Variants in TEN1 observed in about 807,000 individuals in gnomAD.
TEN1 encodes the protein TEN1 subunit of CST complex.
Under a neutral mutation model 9.3 loss-of-function variants are expected in TEN1, and 6 were observed. The observed-to-expected ratio is 0.65, with a 90% CI of 0.35 to 1.27. The LOEUF (loss-of-function observed/expected upper bound fraction) is 1.27. TEN1 is among the 50% of genes most tolerant of loss of function. The probability of loss-of-function intolerance (pLI) is 0.03; values close to 1 mark genes in which losing one functional copy is unlikely to be tolerated. For synonymous variants in TEN1, 65 were observed against 65.6 expected, an observed-to-expected ratio of 0.99 and a Z score of 0.04; for missense variants, 149 against 158.2, an observed-to-expected ratio of 0.94 and a Z score of 0.31.
chr17:75,979,786 AC>A (rs1388480725), intron 1 of TEN1, among the ~76,000 whole-genome samples: 1 of 151,676 alleles, frequency 6.6e-6, no homozygotes, highest in Non-Finnish European at 1.5e-5. Flanking sequence ...GGCTCCAGTT[AC>A]CTTTTGTTAA....
chr17:75,998,631 A>C (rs571616424), intron 3 of TEN1, among the ~76,000 whole-genome samples: 2 of 152,356 alleles, frequency 1.3e-5, no homozygotes, highest in East Asian at 3.9e-4. Context: ...AAGGGCAGGC[A>C]GAGCCTTTAT....
chr17:75,981,599 T>TTTG (rs980952925), intron 1 of TEN1, among the ~76,000 whole-genome samples: 3 of 149,530 alleles, frequency 2.0e-5, no homozygotes, highest in Admixed American at 6.7e-5. Context: ...GCAAGTTGTT[T>TTTG]TTTTTTTTTT....
chr17:75,989,910 T>TA (rs556439277), intron 2 of TEN1, among the ~76,000 whole-genome samples: 5,889 of 139,836 alleles, frequency 0.042, 176 homozygotes, highest in East Asian at 0.16. Flanking sequence ...CCTGGCTAAT[T>TA]AAAAAAAAAA....
At chr17:75,998,368 G>T (rs1318123483) in intron 3 of TEN1, among the ~76,000 whole-genome samples, 1 of 151,812 alleles carries the variant, frequency 6.6e-6, no homozygotes, top group African/African-American at 2.4e-5. Context: ...CTGGTCTTGA[G>T]CTCCTGGCCT....
chr17:75,989,069 C>G (rs1475207402), intron 2 of TEN1, among the ~76,000 whole-genome samples: 3 of 151,864 alleles, frequency 2.0e-5, no homozygotes, highest in Non-Finnish European at 2.9e-5. Flanking sequence ...CCACGCCCGG[C>G]CTACTTAGCC....
chr17:75,988,235 G>A (rs1208434732), intron 2 of TEN1, among the ~76,000 whole-genome samples: 4 of 146,894 alleles, frequency 2.7e-5, no homozygotes, highest in Admixed American at 2.1e-4. Context: ...AGTGAAATTC[G>A]GCCTCAAAAA....
chr17:75,985,852 A>G (rs1297234377), intron 1 of TEN1, among the ~76,000 whole-genome samples: 1 of 147,404 alleles, frequency 6.8e-6, no homozygotes, highest in Non-Finnish European at 1.5e-5. Context: ...TTTTTAATAC[A>G]TGAATGTATA....
Position 76,000,441 on chromosome 17 carries a change from C to A in TEN1, c.*179C>A. On this transcript the variant is annotated 3_prime_UTR_variant, in exon 4 of 4. Coordinates refer to ENST00000397640, the MANE Select transcript of TEN1 (RefSeq NM_001113324.3). This position sits in a 1 kb window ranked among gnomAD's most constrained non-coding sequence, Gnocchi z 5.9. ...TTTGGGATTGGCTCAGCAATGAGAA[C>A]CCAGAAAGCATGCCATAAATCCGAC... The A allele has an allele frequency of 1.1e-6, 1 of 952,340 alleles. No individual in the cohort carries two copies. Among genetic ancestry groups the A allele is most frequent in the Non-Finnish European group, 1.5e-6 (1 of 667,820 alleles). The allele number at this position is 952,340 out of a possible 1,614,324, so 59.0% of individuals were successfully genotyped here.
intron 3 of TEN1, among the ~76,000 whole-genome samples, chr17:75,998,001 G>A (rs1031961632): frequency 4.0e-5 from 6 of 151,392 alleles, no homozygotes; most frequent in Non-Finnish European, 7.4e-5. Flanking sequence ...ACAGGTGCCC[G>A]CCACCACACC....
At chr17:75,994,074 G>A (rs1261357643) in intron 3 of TEN1, among the ~76,000 whole-genome samples, 4 of 152,060 alleles carry the variant, frequency 2.6e-5, no homozygotes, top group Non-Finnish European at 4.4e-5. Context: ...GCCTGTTACC[G>A]GGCACTGGCT....
intron 2 of TEN1, among the ~76,000 whole-genome samples, chr17:75,988,050 G>A (rs2066162769): frequency 6.6e-6 from 1 of 151,222 alleles, no homozygotes; most frequent in Non-Finnish European, 1.5e-5. Flanking sequence ...AACCAGCCTG[G>A]CCAACATGGT....
At chr17:75,990,954 A>G (rs1054669378) in intron 2 of TEN1, among the ~76,000 whole-genome samples, 15 of 151,888 alleles carry the variant, frequency 9.9e-5, no homozygotes, top group African/African-American at 2.9e-4. Context: ...GTTGGAGACC[A>G]GCCTGGACAA....
intron 1 of TEN1, among the ~76,000 whole-genome samples, chr17:75,985,510 G>A (rs1406557671): frequency 1.3e-5 from 2 of 152,004 alleles, no homozygotes; most frequent in African/African-American, 4.8e-5. Context: ...GTCTGTGTTT[G>A]TTTTTTGTTT....
intron 3 of TEN1, among the ~76,000 whole-genome samples, chr17:75,997,153 G>T (rs150488767): frequency 6.6e-6 from 1 of 152,008 alleles, no homozygotes; most frequent in Non-Finnish European, 1.5e-5. Context: ...TCTCTTCCCC[G>T]TTGGGCCTCA....
At chr17:75,994,365 C>T (rs375913011) in intron 3 of TEN1, among the ~76,000 whole-genome samples, 14 of 144,716 alleles carry the variant, frequency 9.7e-5, no homozygotes, top group African/African-American at 3.3e-4. Context: ...ACCCGGGAGG[C>T]GGAGGTTGCT....
At chr17:75,986,990 C>A (rs2066156416) in intron 2 of TEN1, among the ~76,000 whole-genome samples, 1 of 152,040 alleles carries the variant, frequency 6.6e-6, no homozygotes, top group East Asian at 1.9e-4. Context: ...CCCATACACA[C>A]AATTTTAGTT....
intron 1 of TEN1, among the ~76,000 whole-genome samples, chr17:75,985,912 T>C (rs371754959): frequency 2.6e-5 from 4 of 151,938 alleles, no homozygotes; most frequent in Non-Finnish European, 5.9e-5. Flanking sequence ...TATTATACTT[T>C]AAGTTCTAGG....
chr17:75,981,036 TAATGTAACAATGATAAGGGGTGTAC>T (rs1484142914), intron 1 of TEN1, among the ~76,000 whole-genome samples: 7 of 152,312 alleles, frequency 4.6e-5, no homozygotes, highest in African/African-American at 1.7e-4. Flanking sequence ...CAATTGCTCT[TAATGTAACAATGATAAGGGGTGTAC>T]TTAGCATTGA....
intron 1 of TEN1, among the ~76,000 whole-genome samples, chr17:75,982,481 G>A (rs2066127609): frequency 6.6e-6 from 1 of 152,164 alleles, no homozygotes; most frequent in Non-Finnish European, 1.5e-5. Flanking sequence ...AGATTTGTCT[G>A]ATATTTCTTC....
Sources: gnomAD v4.1 joint callset for allele counts (sites outside exome capture counted in the v4.1 genomes callset) on GRCh38, gnomAD v4.1.1 for gene constraint, Gnocchi (gnomAD v3.1) non-coding constraint, MANE v1.5 for transcripts, NCBI Gene and HGNC (gene_info 2026-07-23, HGNC 2026-07-21) for gene names.